The following SEMA4D variants were observed in gnomAD, a reference collection of about 807,000 sequenced individuals.
SEMA4D encodes semaphorin 4D.
Under a neutral mutation model 74.8 loss-of-function variants are expected in SEMA4D, and 22 were observed. The ratio of observed to expected loss-of-function variants is 0.29; its 90% CI spans 0.21 to 0.42. SEMA4D has a LOEUF of 0.42. Among genes scored for constraint, SEMA4D ranks in the 10% least tolerant of loss-of-function variants. The probability of loss-of-function intolerance (pLI) is 1.00; values close to 1 mark genes in which losing one functional copy is unlikely to be tolerated. For missense variants in SEMA4D, 937 were observed against 1,118.4 expected (o/e 0.84, Z 2.31); for synonymous variants, 445 against 463.7 (o/e 0.96, Z 0.52).
At chr9:89,436,743 G>T (rs780633293) in intron 2 of SEMA4D, among the ~76,000 whole-genome samples, 1 of 152,222 alleles carries the variant, frequency 6.6e-6, no homozygotes, top group African/African-American at 2.4e-5. Context: ...AGGGTGTGGG[G>T]GGTTGCGGCC....
At chr9:89,444,289 G>A (rs1019014156) in intron 2 of SEMA4D, among the ~76,000 whole-genome samples, 1 of 152,062 alleles carries the variant, frequency 6.6e-6, no homozygotes, top group Admixed American at 6.6e-5. Context: ...ATCATGCTCT[G>A]CCCAGGAGTC....
chr9:89,398,589 C>G (rs1166107488), intron 5 of SEMA4D, among the ~76,000 whole-genome samples: 1 of 152,348 alleles, frequency 6.6e-6, no homozygotes, highest in Admixed American at 6.5e-5. Context: ...GGACAGCTGT[C>G]CCACACAATG....
At chr9:89,360,917 T>A (rs780344151) in exon 19 of SEMA4D, 2 of 152,216 alleles carry the variant, frequency 1.3e-5, no homozygotes, top group Admixed American at 6.5e-5. Context: ...ATTATTTTGT[T>A]AAGTGTGAAA....
chr9:89,459,862 G>GTT (rs1357800505), intron 1 of SEMA4D, among the ~76,000 whole-genome samples: 1 of 152,216 alleles, frequency 6.6e-6, no homozygotes, highest in Non-Finnish European at 1.5e-5. Flanking sequence ...CCAGCATTCA[G>GTT]TTACTAAATA....
chr9:89,457,762 G>A (rs904104080), intron 1 of SEMA4D, among the ~76,000 whole-genome samples: 11 of 149,786 alleles, frequency 7.3e-5, no homozygotes, highest in Admixed American at 2.7e-4. Flanking sequence ...GGCCAGGCAC[G>A]GTGGCTCATG....
intron 6 of SEMA4D, among the ~76,000 whole-genome samples, chr9:89,396,140 C>G (rs1840907256): frequency 6.6e-6 from 1 of 152,172 alleles, no homozygotes; most frequent in African/African-American, 2.4e-5. Context: ...TCTCAAGGTG[C>G]TCAGCACACT....
At chr9:89,447,534 T>C (rs1341330806) in intron 2 of SEMA4D, among the ~76,000 whole-genome samples, 3 of 151,832 alleles carry the variant, frequency 2.0e-5, no homozygotes, top group African/African-American at 4.8e-5. Flanking sequence ...AGATCCAAGC[T>C]GGCAGCAAGT....
intron 1 of SEMA4D, among the ~76,000 whole-genome samples, chr9:89,457,292 G>GA (rs1238435384): frequency 2.6e-5 from 4 of 152,130 alleles, no homozygotes; most frequent in Non-Finnish European, 4.4e-5. Flanking sequence ...GGATGCTGCT[G>GA]AATCACATTC....
At chr9:89,463,094 TCTGGCA>T (rs1311378452) in intron 1 of SEMA4D, among the ~76,000 whole-genome samples, 3 of 151,516 alleles carry the variant, frequency 2.0e-5, no homozygotes, top group African/African-American at 7.3e-5. Context: ...CTAGAAGGCT[TCTGGCA>T]CTCTCTTCTC....
chr9:89,381,451 C>T lies in SEMA4D; in HGVS notation c.1447-105G>A. ...GTGGGAAGCAGCCAGAGTGTACCTT[C>T]AGGGGACATTGCAGTAAGGAGGAGA... On this transcript the variant is annotated intron_variant, in intron 13 of 15. Transcript: ENST00000422704. This position sits in a 1 kb window ranked among gnomAD's most constrained non-coding sequence, Gnocchi z 4.6. 4 of 1,136,190 alleles carry T rather than the reference C, an allele frequency of 3.5e-6. No individual in the cohort carries two copies. The Admixed American group carries it at 8.9e-5, about 25-fold the overall frequency. The allele number at this position is 1,136,190 out of a possible 1,614,324, so 70.4% of individuals were successfully genotyped here. A position where few individuals can be genotyped will look rare whatever the true frequency, so the allele number is the denominator to read the frequency against.
At chr9:89,377,106 G>A, downstream of SEMA4D, 2 of 1,490,404 alleles carry the variant, frequency 1.3e-6, no homozygotes, top group South Asian at 2.6e-5. Flanking sequence ...GTCGCCAGGA[G>A]CACGTCACAG....
chr9:89,454,347 G>A (rs1345989683), intron 2 of SEMA4D, among the ~76,000 whole-genome samples: 4 of 152,168 alleles, frequency 2.6e-5, no homozygotes, highest in African/African-American at 9.7e-5. Flanking sequence ...CATGTCTCCA[G>A]GAGTGGCCAC....
chr9:89,363,429 C>T lies in SEMA4D; in HGVS notation c.2190+1G>A, dbSNP rs1278513880. The T allele has an allele frequency of 1.2e-6, 2 of 1,612,608 alleles. No homozygotes were observed. The highest frequency in any genetic ancestry group is 1.3e-5 in the African/African-American group (1 of 75,070). ...TTCTTTGCCCGGCTGCGGCCACTTA[C>T]CCACGCCTTCCTCCAGCTCTGCATC... is the stretch of plus-strand genomic sequence containing the variant. On this transcript the variant is annotated splice_donor_variant, in intron 18 of 18. Transcript: ENST00000339861. LOFTEE classifies it high-confidence loss of function.
chr9:89,366,957 ACG>A (rs1833769461), intron 16 of SEMA4D, among the ~76,000 whole-genome samples: 1 of 152,042 alleles, frequency 6.6e-6, no homozygotes, highest in Admixed American at 6.6e-5. Context: ...TAATCACCCA[ACG>A]CCCCATCATG....
rs144302668 is a variant in SEMA4D at position 89,442,108 on chromosome 9, C to T, written c.-244+13780G>A. ...TGATCACCCCTCCCCATCATCAGCA[C>T]CCAGTGAGCTGGGGCTGTTTCCTTC... On this transcript the variant is annotated intron_variant, in intron 2 of 15. Transcript: ENST00000422704. Among the ~76,000 whole-genome samples, 1,138 of 152,356 alleles carry T rather than the reference C, an allele frequency of 7.5e-3. 14 individuals are homozygous for T. The highest frequency in any genetic ancestry group is 0.026 in the African/African-American group (1,076 of 41,566).
downstream of SEMA4D, among the ~76,000 whole-genome samples, chr9:89,376,222 C>G (rs979377441): frequency 6.6e-6 from 1 of 152,200 alleles, no homozygotes; most frequent in Non-Finnish European, 1.5e-5. Flanking sequence ...GTATATCAAC[C>G]TCCAAATTGT....
At chr9:89,468,966 A>G (rs1859457388) in intron 1 of SEMA4D, among the ~76,000 whole-genome samples, 1 of 152,172 alleles carries the variant, frequency 6.6e-6, no homozygotes, top group African/African-American at 2.4e-5. Context: ...CCAGCCCCAT[A>G]AGAATCTGGT....
At chr9:89,376,506 G>A (rs966745035), downstream of SEMA4D, 1 of 238,436 alleles carries the variant, frequency 4.2e-6, no homozygotes, top group African/African-American at 2.2e-5. Context: ...CACTCGTTGT[G>A]TATTGACTAT....
At chr9:89,426,061 G>A (rs951070193) in intron 2 of SEMA4D, among the ~76,000 whole-genome samples, 28 of 152,214 alleles carry the variant, frequency 1.8e-4, no homozygotes, top group African/African-American at 6.3e-4. Flanking sequence ...GCACTCAGAG[G>A]CATCCCTAGT....
Sources: allele counts gnomAD v4.1 joint callset (sites outside exome capture counted in the v4.1 genomes callset), GRCh38; gene constraint gnomAD v4.1.1; non-coding constraint Gnocchi (gnomAD v3.1); transcripts MANE v1.5; gene names NCBI Gene and HGNC (gene_info 2026-07-23, HGNC 2026-07-21).